The following ALDH1A3 variants were observed in gnomAD, a reference collection of about 807,000 sequenced individuals.
ALDH1A3 encodes retinaldehyde dehydrogenase 3.
Under a neutral mutation model 57.5 loss-of-function variants are expected in ALDH1A3, and 28 were observed. That is an observed-to-expected ratio of 0.49 (90% CI 0.36 to 0.67). The LOEUF (loss-of-function observed/expected upper bound fraction) is 0.67, where lower values mean the gene tolerates loss of function less well. ALDH1A3 is among the 30% of genes least tolerant of loss of function. The pLI is 0.00. For missense variants in ALDH1A3, 507 were observed against 669.4 expected, an observed-to-expected ratio of 0.76 and a Z score of 2.68; for synonymous variants, 281 against 264.8, an observed-to-expected ratio of 1.06 and a Z score of -0.59.
At chr15:100,913,963 CT>C (rs2041906782) in intron 12 of ALDH1A3, 1 of 152,270 alleles carries the variant, frequency 6.6e-6, no homozygotes. Context: ...CTCTCCAAAG[CT>C]GCCTCTTGGG....
In ALDH1A3 at chr15:100,909,579, C is replaced by T. The variant is rs913361555; in HGVS notation, c.1466+1097C>T. Among the ~76,000 whole-genome samples the T allele has an allele frequency of 1.3e-4, 20 of 148,892 alleles. No individual in the cohort carries two copies. The East Asian group carries it at 2.6e-3, about 19-fold the overall frequency. The stretch of plus-strand genomic sequence containing the variant: ...TGTGTAAACCCACTGCAAACCCCTT[C>T]GTGTGTGTGCAAACCCACTGCAAAC... On this transcript the variant is annotated intron_variant, in intron 12 of 12. Coordinates refer to ENST00000329841, the MANE Select transcript of ALDH1A3 (RefSeq NM_000693.4).
chr15:100,903,120 A>G (rs1454979952), intron 9 of ALDH1A3, among the ~76,000 whole-genome samples: 5 of 152,144 alleles, frequency 3.3e-5, no homozygotes, highest in Admixed American at 2.0e-4. Context: ...AACGCCTAAA[A>G]ACGTCTATAG....
chr15:100,910,256 G>A (rs551464555), intron 12 of ALDH1A3, among the ~76,000 whole-genome samples: 3 of 152,344 alleles, frequency 2.0e-5, no homozygotes, highest in Admixed American at 1.3e-4. Context: ...CGCCTTCAGC[G>A]GACATCAGTA....
In ALDH1A3 at chr15:100,916,267, CACTGAATTTTCAGT is replaced by C. The variant is rs2041928977; in HGVS notation, c.*1496_*1509del. ...TGTTAAATCAGGATTTGGCTTCATA[CACTGAATTTTCAGT>C]ATTTTATCTCAAGTAGATATAGACA... On this transcript the variant is annotated 3_prime_UTR_variant, in exon 13 of 13. Coordinates refer to ENST00000329841, the MANE Select transcript of ALDH1A3 (RefSeq NM_000693.4). 1 of 152,244 alleles carries C rather than the reference CACTGAATTTTCAGT, an allele frequency of 6.6e-6. No homozygotes were observed. The highest frequency in any genetic ancestry group is 2.4e-5 in the African/African-American group (1 of 41,450). 9.4% of individuals were successfully genotyped at this position (152,244 alleles called of 1,614,324 possible). A position where few individuals can be genotyped will look rare whatever the true frequency, so the allele number is the denominator to read the frequency against.
Position 100,893,779 on chromosome 15 carries a change from T to C in ALDH1A3, c.538-175T>C. The C allele has an allele frequency of 1.3e-6, 1 of 787,650 alleles. No homozygotes were observed. The highest frequency in any genetic ancestry group is 1.9e-6 in the Non-Finnish European group (1 of 514,060). The allele number at this position is 787,650 out of a possible 1,614,324, so 48.8% of individuals were successfully genotyped here. A position where few individuals can be genotyped will look rare whatever the true frequency, so the allele number is the denominator to read the frequency against. ...CCTATTAGTACCACCCAGAATGCAG[T>C]TTAGGAAGTGCTGTGCAGGATTGCA... is the stretch of plus-strand genomic sequence containing the variant. On this transcript the variant is annotated intron_variant, in intron 5 of 12. Coordinates refer to ENST00000329841, the MANE Select transcript of ALDH1A3 (RefSeq NM_000693.4). This position sits in a 1 kb window ranked among gnomAD's most constrained non-coding sequence, Gnocchi z 4.8.
Position 100,892,593 on chromosome 15 carries a change from C to T in ALDH1A3, c.429C>T (p.Tyr143=), listed in dbSNP as rs763917270. The stretch of plus-strand genomic sequence containing the variant: ...AGGGCTGTATTAGAACCCTCAGATA[C>T]TTTGCAGGGTGGGCAGACAAAATCC... ...DLEGCIRTLR[Y]FAGWADKIQG... The change falls in exon 4 of 13, where the codon TAC becomes TAT. Residue 143 remains tyrosine (Y), a synonymous_variant. Transcript: ENST00000329841. 40 of 1,613,074 alleles carry T rather than the reference C, an allele frequency of 2.5e-5. No homozygotes were observed. The highest frequency in any genetic ancestry group is 1.3e-5 in the African/African-American group (1 of 74,868).
At chr15:100,898,604 T>C (rs2041735344) in intron 8 of ALDH1A3, among the ~76,000 whole-genome samples, 1 of 152,184 alleles carries the variant, frequency 6.6e-6, no homozygotes, top group South Asian at 2.1e-4. Context: ...TCACATTTCC[T>C]ATCATATGTT....
chr15:100,896,749 A>G (rs1596127185), intron 7 of ALDH1A3, among the ~76,000 whole-genome samples: 1 of 152,248 alleles, frequency 6.6e-6, no homozygotes, highest in African/African-American at 2.4e-5. Context: ...CTTCAGGGAC[A>G]TATTTTCAAG....
At position 100,893,050 on chromosome 15, in the gene ALDH1A3, C is replaced by T. The variant is rs199635593; in HGVS notation, c.537+44C>T. The stretch of plus-strand genomic sequence containing the variant: ...CTCAGTAGATTCTATGTAGATCCTG[C>T]CCCACTGCCCTGTGTCCTTTGGAAT... On this transcript the variant is annotated intron_variant, in intron 5 of 12. Coordinates refer to ENST00000329841, the MANE Select transcript of ALDH1A3 (RefSeq NM_000693.4). This position sits in a 1 kb window ranked among gnomAD's most constrained non-coding sequence, Gnocchi z 4.8. The T allele has an allele frequency of 1.5e-4, 225 of 1,536,348 alleles. 2 individuals are homozygous for T. The highest frequency in any genetic ancestry group is 5.1e-4 in the Middle Eastern group (3 of 5,902).
intron 12 of ALDH1A3, among the ~76,000 whole-genome samples, chr15:100,909,073 C>G (rs2041854875): frequency 6.7e-6 from 1 of 148,276 alleles, no homozygotes; most frequent in South Asian, 2.2e-4. Context: ...TGCAAACCCT[C>G]CACGCGTGCA....
chr15:100,905,846 C>T (rs1025059505), intron 10 of ALDH1A3, among the ~76,000 whole-genome samples, 159 bp downstream of exon 10: 3 of 152,116 alleles, frequency 2.0e-5, no homozygotes, highest in African/African-American at 7.2e-5. Flanking sequence ...TCTTTCCCCT[C>T]TCCTTTGGGG....
In ALDH1A3 at chr15:100,897,790, G is replaced by C. The variant is rs80343055; in HGVS notation, c.781-293G>C. On this transcript the variant is annotated intron_variant, in intron 7 of 12. Coordinates refer to ENST00000329841, the MANE Select transcript of ALDH1A3 (RefSeq NM_000693.4). ...GAAGGACAGGCACCAGGACAGGTTA[G>C]CGGGTGGCAGCCCTGTTCCCAGCCA... Among the ~76,000 whole-genome samples, 616 of 152,378 alleles carry C rather than the reference G, an allele frequency of 4.0e-3. 6 individuals carry two copies. The highest frequency in any genetic ancestry group is 0.014 in the African/African-American group (584 of 41,596).
rs780448831 is a variant in ALDH1A3, at chr15:100,900,712, C to T, written c.1021C>T (p.Arg341Trp). 1.5e-5 allele frequency: 25 copies of T among 1,613,992 alleles called. No homozygotes were observed. The highest frequency in any genetic ancestry group is 4.5e-5 in the East Asian group (2 of 44,884). The stretch of plus-strand genomic sequence containing the variant: ...GCGGAGCGTGGAGTATGCCAAGAAA[C>T]GGCCCGTGGGAGACCCCTTCGATGT... ...VRRSVEYAKKRPVGDPFDVKT... is the reference protein window; with the variant it reads ...VRRSVEYAKKWPVGDPFDVKT... The change falls in exon 9 of 13, where the codon CGG (arginine) becomes TGG (tryptophan). Residue 341 changes from arginine (R) to tryptophan (W), a missense_variant. Transcript: ENST00000329841.
chr15:100,914,608 C>T (rs1438305293), intron 12 of ALDH1A3, 93 bp from the exon 13 acceptor site: 54 of 1,236,590 alleles, frequency 4.4e-5, no homozygotes, highest in African/African-American at 1.0e-4. Flanking sequence ...AAGCCTCCAA[C>T]GGCCTGATGG....
intron 8 of ALDH1A3, among the ~76,000 whole-genome samples, chr15:100,898,491 C>T (rs2041733631): frequency 6.6e-6 from 1 of 152,384 alleles, no homozygotes; most frequent in Admixed American, 6.5e-5. Context: ...TCCTGCAGAG[C>T]TGGGGTCACG....
intron 12 of ALDH1A3, among the ~76,000 whole-genome samples, chr15:100,911,419 G>A (rs572318114): frequency 6.6e-6 from 1 of 152,322 alleles, no homozygotes; most frequent in African/African-American, 2.4e-5. Context: ...AAAAATCTAC[G>A]CAATAGAGAT....
Position 100,893,016 on chromosome 15 carries a change from G to T in ALDH1A3, c.537+10G>T. The T allele has an allele frequency of 4.3e-6, 7 of 1,612,704 alleles. No homozygotes were observed. The highest frequency in any genetic ancestry group is 5.1e-6 in the Non-Finnish European group (6 of 1,179,136). The stretch of plus-strand genomic sequence containing the variant: ...TGGGGCCATCACTCCAGTAAGTATG[G>T]CAGCCTTTCTCAGTAGATTCTATGT... On this transcript the variant is annotated intron_variant, in intron 5 of 12. Coordinates refer to ENST00000329841, the MANE Select transcript of ALDH1A3 (RefSeq NM_000693.4). This position sits in a 1 kb window ranked among gnomAD's most constrained non-coding sequence, Gnocchi z 4.8.
Position 100,906,149 on chromosome 15 carries a change from A to G in ALDH1A3, c.1233+462A>G, listed in dbSNP as rs543915581. Among the ~76,000 whole-genome samples the G allele has an allele frequency of 1.3e-5, 2 of 152,222 alleles. No individual in the cohort carries two copies. The highest frequency in any genetic ancestry group is 3.9e-4 in the East Asian group (2 of 5,184). ...CAAGTGTTCACTCAAGGAACATGTC[A>G]CAGCTGGAATTTTTATTGACATTTT... On this transcript the variant is annotated intron_variant, in intron 10 of 12. Coordinates refer to ENST00000329841, the MANE Select transcript of ALDH1A3 (RefSeq NM_000693.4). This position sits in a 1 kb window ranked among gnomAD's most constrained non-coding sequence, Gnocchi z 4.8.
rs756225681 is a variant in ALDH1A3 at position 100,900,697 on chromosome 15, G to A, written c.1006G>A (p.Glu336Lys). 10 of 1,614,104 alleles carry A rather than the reference G, an allele frequency of 6.2e-6. No individual in the cohort carries two copies. Among genetic ancestry groups the A allele is most frequent in the African/African-American group, 1.3e-5 (1 of 75,018 alleles). Reference sequence around the variant, plus strand: ...CTCTGAGTTTGTCAGGCGGAGCGTGGAGTATGCCAAGAAACGGCCCGTGGG... The same window carrying A: ...CTCTGAGTTTGTCAGGCGGAGCGTGAAGTATGCCAAGAAACGGCCCGTGGG... The part of the protein sequence containing the change: ...VYSEFVRRSV[E>K]YAKKRPVGDP... Residue 336 changes from glutamate (E) to lysine (K), a missense_variant, in exon 9 of 13, where the codon GAG becomes AAG. By Grantham distance (56) the Glu-to-Lys change is moderately conservative. Coordinates refer to ENST00000329841, the MANE Select transcript of ALDH1A3 (RefSeq NM_000693.4).
Sources: gnomAD v4.1 joint callset for allele counts (sites outside exome capture counted in the v4.1 genomes callset) on GRCh38, gnomAD v4.1.1 for gene constraint, Gnocchi (gnomAD v3.1) non-coding constraint, MANE v1.5 for transcripts, NCBI Gene and HGNC (gene_info 2026-07-23, HGNC 2026-07-21) for gene names.